PPARA: variants seen among roughly 807,000 people sequenced by gnomAD.
The protein encoded by PPARA is peroxisome proliferator activated receptor alpha.
Under a neutral mutation model 42.2 loss-of-function variants are expected in PPARA, and 22 were observed. The observed-to-expected ratio is 0.52, with a 90% CI of 0.37 to 0.74. The LOEUF is 0.74. PPARA is among the 30% of genes least tolerant of loss of function. The pLI is 0.00. For synonymous variants in PPARA, 242 were observed against 239.3 expected (o/e 1.01, Z -0.10); for missense variants, 465 against 608.2 (o/e 0.76, Z 2.48).
chr22:46,215,664 C>T (rs893073433), intron 5 of PPARA, among the ~76,000 whole-genome samples: 1 of 152,010 alleles, frequency 6.6e-6, no homozygotes, highest in African/African-American at 2.4e-5. Flanking sequence ...ATTGCTTGAA[C>T]CCAGGAGCCA....
In PPARA at chr22:46,180,734, C is replaced by A. The variant is rs956120142; in HGVS notation, c.-43+3898C>A. On this transcript the variant is annotated intron_variant, in intron 3 of 8. Coordinates refer to ENST00000407236, the MANE Select transcript of PPARA (RefSeq NM_005036.6). This position sits in a 1 kb window ranked among gnomAD's most constrained non-coding sequence, Gnocchi z 4.2. ...GATGCAAGTCCACTGAGCCAGTGTA[C>A]ACCTTAAATAAATCCTCCTGAACCC... Among the ~76,000 whole-genome samples the A allele has an allele frequency of 5.3e-5, 8 of 152,170 alleles. No individual in the cohort carries two copies. Among genetic ancestry groups the A allele is most frequent in the Non-Finnish European group, 1.2e-4 (8 of 68,040 alleles).
At chr22:46,206,989 G>A (rs1032108739) in intron 4 of PPARA, among the ~76,000 whole-genome samples, 2 of 152,080 alleles carry the variant, frequency 1.3e-5, no homozygotes, top group Non-Finnish European at 2.9e-5. Flanking sequence ...TTGGGAGGCC[G>A]AGGCGGGTGG....
In PPARA at chr22:46,222,115, T is replaced by C. The variant is rs912592644; in HGVS notation, c.711+2101T>C. ...AAGGAAAAGAAAGGACCACTTGTTA[T>C]AGAAAGCCTGTCTTTTAAGGTAGCT... On this transcript the variant is annotated intron_variant, in intron 7 of 8. Coordinates refer to ENST00000407236, the MANE Select transcript of PPARA (RefSeq NM_005036.6). The surrounding 1 kb of genome is among the most constrained non-coding windows in gnomAD (Gnocchi z 5.9). Among the ~76,000 whole-genome samples the C allele has an allele frequency of 6.6e-6, 1 of 151,768 alleles. No homozygotes were observed. The highest frequency in any genetic ancestry group is 1.5e-5 in the Non-Finnish European group (1 of 67,934).
At chr22:46,164,295 C>G (rs1926699413) in intron 2 of PPARA, 1 of 151,416 alleles carries the variant, frequency 6.6e-6, no homozygotes, top group African/African-American at 2.4e-5. Flanking sequence ...TCTTGTTGCC[C>G]AGGCTGGAGT....
At chr22:46,201,652 T>G (rs771069036) in intron 4 of PPARA, among the ~76,000 whole-genome samples, 12 of 152,104 alleles carry the variant, frequency 7.9e-5, no homozygotes, top group Admixed American at 2.0e-4. Flanking sequence ...CACCTCGGCT[T>G]GCCTAAGCCC....
rs981359576 is a variant in PPARA, at chr22:46,234,876, A to G, written c.1160-257A>G. 2.0e-5 allele frequency among the ~76,000 whole-genome samples: 3 copies of G among 152,176 alleles called. No individual in the cohort carries two copies. Among genetic ancestry groups the G allele is most frequent in the Admixed American group, 2.0e-4 (3 of 15,270 alleles). ...ATCACAAGTGAAAAGGCCGCACCAT[A>G]AGGTGTACTTAGGGCACTATTGCCG... On this transcript the variant is annotated intron_variant, in intron 8 of 8. Coordinates refer to ENST00000407236, the MANE Select transcript of PPARA (RefSeq NM_005036.6). This position sits in a 1 kb window ranked among gnomAD's most constrained non-coding sequence, Gnocchi z 5.8.
Position 46,200,505 on chromosome 22 carries a change from G to C in PPARA, c.208+1914G>C, listed in dbSNP as rs1343299548. On this transcript the variant is annotated intron_variant, in intron 4 of 8. Coordinates refer to ENST00000407236, the MANE Select transcript of PPARA (RefSeq NM_005036.6). The surrounding 1 kb of genome is among the most constrained non-coding windows in gnomAD (Gnocchi z 4.8). ...AAAACATATAGTAGAAAAGGTTACA[G>C]CAAAAATACAGTATTATCATCTTAT... Among the ~76,000 whole-genome samples, 1 of 152,256 alleles carries C rather than the reference G, an allele frequency of 6.6e-6. No homozygotes were observed. The highest frequency in any genetic ancestry group is 1.5e-5 in the Non-Finnish European group (1 of 68,044).
rs996329959 is a variant in PPARA, at chr22:46,212,347, G to A, written c.209-2826G>A. ...GCTGGGATGACAGGCATGAGCTACC[G>A]TGCCCAGACCACTGTTAGATTTTCA... is the stretch of plus-strand genomic sequence containing the variant. On this transcript the variant is annotated intron_variant, in intron 4 of 8. Coordinates refer to ENST00000407236, the MANE Select transcript of PPARA (RefSeq NM_005036.6). The surrounding 1 kb of genome is among the most constrained non-coding windows in gnomAD (Gnocchi z 4.2). Among the ~76,000 whole-genome samples the A allele has an allele frequency of 3.9e-5, 6 of 152,114 alleles. No individual in the cohort carries two copies. The highest frequency in any genetic ancestry group is 3.9e-4 in the East Asian group (2 of 5,184).
In PPARA at chr22:46,180,665, C is replaced by T. The variant is rs1200049606; in HGVS notation, c.-43+3829C>T. Among the ~76,000 whole-genome samples, 1 of 152,158 alleles carries T rather than the reference C, an allele frequency of 6.6e-6. No homozygotes were observed. Among genetic ancestry groups the T allele is most frequent in the African/African-American group, 2.4e-5 (1 of 41,428 alleles). The stretch of plus-strand genomic sequence containing the variant: ...CTCACATATTTCCTGCCTCAAGATG[C>T]GTAAAAGGTACTTGCCTTCTTTGTT... On this transcript the variant is annotated intron_variant, in intron 3 of 8. Transcript: ENST00000407236. The surrounding 1 kb of genome is among the most constrained non-coding windows in gnomAD (Gnocchi z 4.2).
rs548189593 is a variant in PPARA at position 46,237,046 on chromosome 22, G to T, written c.*1666G>T. 5.3e-5 allele frequency: 8 copies of T among 152,132 alleles called. No individual in the cohort carries two copies. Among genetic ancestry groups the T allele is most frequent in the African/African-American group, 1.9e-4 (8 of 41,538 alleles). The allele number at this position is 152,132 out of a possible 1,614,324, so 9.4% of individuals were successfully genotyped here. ...GTTGAGAATTTTTAGATCTGGACTG[G>T]AACTGCCAGGACCACCGCCTCCAGG... On this transcript the variant is annotated 3_prime_UTR_variant, in exon 9 of 9. Coordinates refer to ENST00000407236, the MANE Select transcript of PPARA (RefSeq NM_005036.6). This position sits in a 1 kb window ranked among gnomAD's most constrained non-coding sequence, Gnocchi z 6.7.
rs531971225 is a variant in PPARA, at chr22:46,235,057, G to A, written c.1160-76G>A. The A allele has an allele frequency of 1.6e-5, 25 of 1,594,746 alleles. No homozygotes were observed. The South Asian group carries it at 2.7e-4, about 17-fold the overall frequency. On this transcript the variant is annotated intron_variant, in intron 8 of 8. Coordinates refer to ENST00000407236, the MANE Select transcript of PPARA (RefSeq NM_005036.6). This position sits in a 1 kb window ranked among gnomAD's most constrained non-coding sequence, Gnocchi z 7.0. ...AAGAAAGGCCACATAAAATAGGCAT[G>A]TTTGGTTCCTGAAACTGATAAGCAG...
chr22:46,186,696 G>C (rs1427722504), intron 3 of PPARA, among the ~76,000 whole-genome samples: 1 of 152,120 alleles, frequency 6.6e-6, no homozygotes, highest in Non-Finnish European at 1.5e-5. Context: ...CTAGGTGAGA[G>C]AGCGAGACTC....
In PPARA at chr22:46,190,911, CT is replaced by C; in HGVS notation, c.-42-7430del. On this transcript the variant is annotated intron_variant, in intron 3 of 8. Transcript: ENST00000407236. This position sits in a 1 kb window ranked among gnomAD's most constrained non-coding sequence, Gnocchi z 5.6. ...TTTCAGAAAATATTTACAAAGGGGG[CT>C]GGGCACAGTGGCTCATGCCTGTAAT... Among the ~76,000 whole-genome samples, 1 of 152,178 alleles carries C rather than the reference CT, an allele frequency of 6.6e-6. No homozygotes were observed. The highest frequency in any genetic ancestry group is 6.5e-5 in the Admixed American group (1 of 15,274).
intron 3 of PPARA, among the ~76,000 whole-genome samples, chr22:46,177,083 C>A (rs111954991): frequency 6.6e-6 from 1 of 151,894 alleles, no homozygotes; most frequent in African/African-American, 2.4e-5. Flanking sequence ...TGGTGGCAGG[C>A]GCCTGTAGTC....
At position 46,184,611 on chromosome 22, in the gene PPARA, C is replaced by G. The variant is rs1475940370; in HGVS notation, c.-43+7775C>G. On this transcript the variant is annotated intron_variant, in intron 3 of 8. Coordinates refer to ENST00000407236, the MANE Select transcript of PPARA (RefSeq NM_005036.6). The surrounding 1 kb of genome is among the most constrained non-coding windows in gnomAD (Gnocchi z 4.4). ...GGCACAGTGGCTCACACCTGTAATC[C>G]CAGCAATTTGGGAGGCCGAGATTAC... Among the ~76,000 whole-genome samples the G allele has an allele frequency of 2.0e-5, 3 of 152,148 alleles. No homozygotes were observed. The highest frequency in any genetic ancestry group is 7.2e-5 in the African/African-American group (3 of 41,414).
In PPARA at chr22:46,235,511, T is replaced by TA; in HGVS notation, c.*132dup. On this transcript the variant is annotated 3_prime_UTR_variant, in exon 9 of 9. Transcript: ENST00000407236. This position sits in a 1 kb window ranked among gnomAD's most constrained non-coding sequence, Gnocchi z 7.0. Reference sequence around the variant, plus strand: ...CTTAGAGCTTGGACAGTCTGAGCTGTAGGTAACCGGCATATTATTCCATAT... The same window carrying TA: ...CTTAGAGCTTGGACAGTCTGAGCTGTAAGGTAACCGGCATATTATTCCATAT... 8.2e-7 allele frequency: 1 copy of TA among 1,214,154 alleles called. No homozygotes were observed. Among genetic ancestry groups the TA allele is most frequent in the South Asian group, 1.3e-5 (1 of 75,294 alleles). The allele number at this position is 1,214,154 out of a possible 1,614,324, so 75.2% of individuals were successfully genotyped here. A position where few individuals can be genotyped will look rare whatever the true frequency, so the allele number is the denominator to read the frequency against.
rs1935549259 is a variant in PPARA, at chr22:46,227,489, T to C, written c.712-4303T>C. Reference sequence around the variant, plus strand: ...CTGGTCTCGAAATCCTGACCTCAGGTCATCCACCTACCTTGGCCTCCCAAA... The same window carrying C: ...CTGGTCTCGAAATCCTGACCTCAGGCCATCCACCTACCTTGGCCTCCCAAA... On this transcript the variant is annotated intron_variant, in intron 7 of 8. Transcript: ENST00000407236. The surrounding 1 kb of genome is among the most constrained non-coding windows in gnomAD (Gnocchi z 4.3). Among the ~76,000 whole-genome samples the C allele has an allele frequency of 6.6e-6, 1 of 152,252 alleles. No individual in the cohort carries two copies. Among genetic ancestry groups the C allele is most frequent in the African/African-American group, 2.4e-5 (1 of 41,466 alleles).
At position 46,216,852 on chromosome 22, in the gene PPARA, G is replaced by A. The variant is rs967177078; in HGVS notation, c.370-1411G>A. On this transcript the variant is annotated intron_variant, in intron 5 of 8. Transcript: ENST00000407236. This position sits in a 1 kb window ranked among gnomAD's most constrained non-coding sequence, Gnocchi z 4.5. ...GCTCCTGTAGCAGCGTCCCTTTAGG[G>A]TTGCACAGACGTGCTCAAGTCTGGC... is the stretch of plus-strand genomic sequence containing the variant. Among the ~76,000 whole-genome samples the A allele has an allele frequency of 3.3e-5, 5 of 152,232 alleles. No individual in the cohort carries two copies. The highest frequency in any genetic ancestry group is 1.9e-4 in the East Asian group (1 of 5,196).
rs1601826318 is a variant in PPARA, at chr22:46,232,320, A to G, written c.1159+81A>G. ...AAAATTTGACAATGGGAAATCCAGTACCAGCCTGAGCTGTTCCAGTGGAGG... is the reference window on the plus strand; with the variant it reads ...AAAATTTGACAATGGGAAATCCAGTGCCAGCCTGAGCTGTTCCAGTGGAGG... On this transcript the variant is annotated intron_variant, in intron 8 of 8. Coordinates refer to ENST00000407236, the MANE Select transcript of PPARA (RefSeq NM_005036.6). This position sits in a 1 kb window ranked among gnomAD's most constrained non-coding sequence, Gnocchi z 5.3. The G allele has an allele frequency of 6.9e-7, 1 of 1,445,490 alleles. No homozygotes were observed. The highest frequency in any genetic ancestry group is 1.7e-5 in the Admixed American group (1 of 59,792). The allele number at this position is 1,445,490 out of a possible 1,614,324, so 89.5% of individuals were successfully genotyped here.
Sources: allele counts gnomAD v4.1 joint callset (sites outside exome capture counted in the v4.1 genomes callset), GRCh38; gene constraint gnomAD v4.1.1; non-coding constraint Gnocchi (gnomAD v3.1); transcripts MANE v1.5; gene names NCBI Gene and HGNC (gene_info 2026-07-23, HGNC 2026-07-21).